The following GCNT1 variants were observed in gnomAD, a reference collection of about 807,000 sequenced individuals.
GCNT1 encodes beta-1,3-galactosyl-O-glycosyl-glycoprotein beta-1,6-N-acetylglucosaminyltransferase.
GCNT1 carries 16 observed loss-of-function variants against 26.2 expected under a neutral mutation model. That is an observed-to-expected ratio of 0.61 (90% CI 0.41 to 0.93). GCNT1 has a LOEUF of 0.93. Ranked by LOEUF, GCNT1 falls within the 40% of genes least tolerant of loss-of-function variation. GCNT1 has a pLI of 0.00. For synonymous variants in GCNT1, 183 were observed against 190.8 expected (o/e 0.96, Z 0.34); for missense variants, 477 against 526.7 (o/e 0.91, Z 0.92).
chr9:76,458,252 G>T (rs543184469), upstream of GCNT1, among the ~76,000 whole-genome samples: 3 of 132,700 alleles, frequency 2.3e-5, no homozygotes, highest in African/African-American at 8.7e-5. Flanking sequence ...ACACGATCTC[G>T]GCTCACTGCA....
At chr9:76,421,625 A>G (rs1322667896) in intron 1 of GCNT1, among the ~76,000 whole-genome samples, 3 of 124,940 alleles carry the variant, frequency 2.4e-5, no homozygotes, top group Non-Finnish European at 5.1e-5. Flanking sequence ...AAAAAAAACC[A>G]CAACAAAAAA....
At chr9:76,423,969 A>T (rs566567383) in intron 1 of GCNT1, among the ~76,000 whole-genome samples, 19 of 152,226 alleles carry the variant, frequency 1.2e-4, no homozygotes, top group African/African-American at 4.3e-4. Context: ...ATTTGTTGAC[A>T]TATTACTTTC....
Position 76,502,526 on chromosome 9 carries a change from G to T in GCNT1, c.145G>T (p.Ala49Ser). The T allele has an allele frequency of 6.2e-7, 1 of 1,614,000 alleles. No homozygotes were observed. Among genetic ancestry groups the T allele is most frequent in the Non-Finnish European group, 8.5e-7 (1 of 1,179,890 alleles). The change falls in exon 4 of 4, where the codon GCT (alanine) becomes TCT (serine). Residue 49 changes from alanine (A) to serine (S), a missense_variant. Coordinates refer to ENST00000376730, the MANE Select transcript of GCNT1 (RefSeq NM_001490.5). ...EFVSVRHLEL[A>S]GENPSSDINC... ...TGTAAGTGTCAGACACTTGGAGCTTGCTGGGGAGAATCCTAGTAGTGATAT... is the reference window on the plus strand; with the variant it reads ...TGTAAGTGTCAGACACTTGGAGCTTTCTGGGGAGAATCCTAGTAGTGATAT...
intron 2 of GCNT1, among the ~76,000 whole-genome samples, chr9:76,482,688 A>C (rs757207290): frequency 1.3e-5 from 2 of 151,626 alleles, no homozygotes; most frequent in Non-Finnish European, 2.9e-5. Flanking sequence ...TCTCTTACCC[A>C]GGCTGGAGTG....
chr9:76,491,925 A>G (rs577488546), intron 2 of GCNT1, among the ~76,000 whole-genome samples: 1 of 152,264 alleles, frequency 6.6e-6, no homozygotes, highest in African/African-American at 2.4e-5. Flanking sequence ...CATTTACATC[A>G]TGAGTAGTCC....
At chr9:76,471,990 C>T (rs1010250428) in intron 2 of GCNT1, among the ~76,000 whole-genome samples, 7 of 152,094 alleles carry the variant, frequency 4.6e-5, no homozygotes, top group African/African-American at 1.4e-4. Flanking sequence ...TAAAAATGGA[C>T]TAGGGGCTGG....
Position 76,503,185 on chromosome 9 carries a change from C to A in GCNT1, c.804C>A (p.Asn268Lys), listed in dbSNP as rs1302096923. ...RYEVVNGKLT[N>K]TGTVKMLPPL... ...AGGTCGTTAATGGAAAGCTGACAAA[C>A]ACAGGGACTGTCAAAATGCTTCCTC... Residue 268 changes from asparagine to lysine, a missense_variant, in exon 4 of 4, where the codon AAC becomes AAA. Coordinates refer to ENST00000376730, the MANE Select transcript of GCNT1 (RefSeq NM_001490.5). 6.2e-7 allele frequency: 1 copy of A among 1,614,108 alleles called. No individual in the cohort carries two copies. The highest frequency in any genetic ancestry group is 8.5e-7 in the Non-Finnish European group (1 of 1,179,970).
At chr9:76,398,285 G>C in the GCNT1 span, among the ~76,000 whole-genome samples, 13 of 152,160 alleles carry the variant, frequency 8.5e-5, no homozygotes, top group Non-Finnish European at 1.8e-4. Context: ...ATTAAAAAAT[G>C]AGCAAAAGAT....
the GCNT1 span, chr9:76,398,791 C>T: frequency 7.8e-7 from 1 of 1,284,518 alleles, no homozygotes; most frequent in Non-Finnish European, 1.1e-6. Context: ...CCAATCTTGA[C>T]TTCCAGATGG....
chr9:76,482,794 G>A (rs1332501157), intron 2 of GCNT1, among the ~76,000 whole-genome samples: 13 of 146,516 alleles, frequency 8.9e-5, no homozygotes, highest in South Asian at 2.2e-4. Flanking sequence ...ACAGGCATGC[G>A]CCACCACACC....
At chr9:76,490,317 A>G (rs1157571556) in intron 2 of GCNT1, among the ~76,000 whole-genome samples, 2 of 152,226 alleles carry the variant, frequency 1.3e-5, no homozygotes, top group African/African-American at 4.8e-5. Flanking sequence ...TGTAGTTACT[A>G]TCCTTACTGG....
In GCNT1 at chr9:76,478,833, T is replaced by C. The variant is rs182068051; in HGVS notation, c.-290+18656T>C. ...TGAAATTTGTATGGGTAAAGCCATATATGTATTTCTAGCAATACATTTTAT... is the reference window on the plus strand; with the variant it reads ...TGAAATTTGTATGGGTAAAGCCATACATGTATTTCTAGCAATACATTTTAT... On this transcript the variant is annotated intron_variant, in intron 2 of 3. Transcript: ENST00000376730. Among the ~76,000 whole-genome samples the C allele has an allele frequency of 1.0e-3, 154 of 152,386 alleles. 2 individuals carry two copies. The highest frequency in any genetic ancestry group is 1.8e-3 in the Non-Finnish European group (123 of 68,038).
chr9:76,453,734 C>G (rs1292599413), intron 1 of GCNT1, among the ~76,000 whole-genome samples: 2 of 152,222 alleles, frequency 1.3e-5, no homozygotes, highest in Non-Finnish European at 2.9e-5. Flanking sequence ...TAACCTCTTA[C>G]TGTTCTTCAA....
At chr9:76,475,363 A>G (rs781658450) in intron 2 of GCNT1, among the ~76,000 whole-genome samples, 5 of 152,198 alleles carry the variant, frequency 3.3e-5, no homozygotes, top group Non-Finnish European at 5.9e-5. Flanking sequence ...GCCTCCAAAA[A>G]GAGAATCTGT....
At chr9:76,425,233 A>AT (rs1823244881) in intron 1 of GCNT1, among the ~76,000 whole-genome samples, 1 of 148,780 alleles carries the variant, frequency 6.7e-6, no homozygotes, top group South Asian at 2.2e-4. Flanking sequence ...ATTTTAATTT[A>AT]TTTTTTCAGA....
upstream of GCNT1, among the ~76,000 whole-genome samples, chr9:76,455,579 T>G (rs186871045): frequency 1.3e-5 from 2 of 151,840 alleles, no homozygotes; most frequent in Admixed American, 1.3e-4. Flanking sequence ...ACCATCCCCT[T>G]ACTTTTTTTT....
chr9:76,483,721 C>T (rs1824487011), intron 2 of GCNT1, among the ~76,000 whole-genome samples: 1 of 152,212 alleles, frequency 6.6e-6, no homozygotes, highest in African/African-American at 2.4e-5. Context: ...CCACACCTGA[C>T]CATTAAGGAG....
intron 1 of GCNT1, among the ~76,000 whole-genome samples, chr9:76,420,944 G>GAA (rs35205492): frequency 1.7e-3 from 209 of 123,100 alleles, no homozygotes; most frequent in South Asian, 3.0e-3. Flanking sequence ...ATCTCAAAAG[G>GAA]AAAAAAAAAA....
intron 1 of GCNT1, among the ~76,000 whole-genome samples, chr9:76,431,643 T>C (rs951616796): frequency 1.3e-5 from 2 of 152,188 alleles, no homozygotes; most frequent in African/African-American, 4.8e-5. Context: ...TCCACTTGAT[T>C]GAACTCAATC....
Sources: allele counts gnomAD v4.1 joint callset (sites outside exome capture counted in the v4.1 genomes callset), GRCh38; gene constraint gnomAD v4.1.1; transcripts MANE v1.5; gene names NCBI Gene and HGNC (gene_info 2026-07-23, HGNC 2026-07-21).